ZNF888: variants seen among roughly 807,000 people sequenced by gnomAD.
ZNF888 encodes the protein zinc finger protein 888.
Under a neutral mutation model 7.2 loss-of-function variants are expected in ZNF888, and 5 were observed. That is an observed-to-expected ratio of 0.70 (90% CI 0.36 to 1.46). The LOEUF (loss-of-function observed/expected upper bound fraction) is 1.46. Among genes scored for constraint, ZNF888 ranks in the 40% most tolerant of loss-of-function variants. The pLI, the probability that ZNF888 is intolerant of heterozygous loss-of-function variation, is 0.03. For synonymous variants in ZNF888, 240 were observed against 284.3 expected, an observed-to-expected ratio of 0.84 and a Z score of 1.57; for missense variants, 716 against 858.0, an observed-to-expected ratio of 0.83 and a Z score of 2.07.
chr19:52,908,481 C>CA lies in ZNF888; in HGVS notation c.143-303dup, dbSNP rs778078813. Among the ~76,000 whole-genome samples the CA allele has an allele frequency of 1.6e-4, 25 of 152,018 alleles. No homozygotes were observed. The South Asian group carries it at 2.3e-3, about 14-fold the overall frequency. On this transcript the variant is annotated intron_variant, in intron 4 of 4. Transcript: ENST00000638862. Reference sequence around the variant, plus strand: ...TGACCTTAAAGTGTGTCACAGTTTGCAAAAAATTTATCACTGTAACAACAA... The same window carrying CA: ...TGACCTTAAAGTGTGTCACAGTTTGCAAAAAAATTTATCACTGTAACAACAA...
At chr19:52,922,466 G>C (rs1480687876) in intron 1 of ZNF888, among the ~76,000 whole-genome samples, 1 of 151,998 alleles carries the variant, frequency 6.6e-6, no homozygotes, top group African/African-American at 2.4e-5. Context: ...CTTTCTGTTT[G>C]CTGCCCCTCT....
intron 1 of ZNF888, among the ~76,000 whole-genome samples, chr19:52,922,740 A>C (rs10424724): frequency 0.45 from 68,971 of 151,978 alleles, 18,047 homozygotes; most frequent in African/African-American, 0.73. Flanking sequence ...GAGGGTTTGG[A>C]GTAAGACGCC....
At chr19:52,918,038 G>GA in intron 2 of ZNF888, 107 bp from the exon 3 acceptor site, 1 of 1,475,252 alleles carries the variant, frequency 6.8e-7, no homozygotes, top group Non-Finnish European at 9.0e-7. Context: ...CTCACCCTGG[G>GA]AAATATGGTC....
chr19:52,909,742 C>G (rs922638289), intron 4 of ZNF888, among the ~76,000 whole-genome samples: 1 of 152,024 alleles, frequency 6.6e-6, no homozygotes, highest in African/African-American at 2.4e-5. Context: ...CTAAACAATT[C>G]CCTCTTAAGA....
intron 4 of ZNF888, chr19:52,914,430 C>G: frequency 1.2e-6 from 1 of 854,528 alleles, no homozygotes; most frequent in Non-Finnish European, 1.4e-6. Context: ...AAGAAAGGAC[C>G]ATGAAGTGCT....
At chr19:52,919,961 G>A (rs1167207429) in intron 1 of ZNF888, among the ~76,000 whole-genome samples, 2 of 57,850 alleles carry the variant, frequency 3.5e-5, no homozygotes, top group African/African-American at 6.9e-5. Context: ...CCCTCTGCCC[G>A]GCCAGCCGCC....
rs2064766573 is a variant in ZNF888, at chr19:52,917,615, CCA to C, written c.15+242_15+243del. Among the ~76,000 whole-genome samples the C allele has an allele frequency of 7.2e-5, 11 of 152,246 alleles. No individual in the cohort carries two copies. The South Asian group carries it at 2.3e-3, about 32-fold the overall frequency. On this transcript the variant is annotated intron_variant, in intron 3 of 4. Coordinates refer to ENST00000638862, the MANE Select transcript of ZNF888 (RefSeq NM_001393938.1). ...ACACCATAGGACCCTCACCCCGTCTCCATCCATGTCTGTGTGTGAGCCCTTCC... is the reference window on the plus strand; with the variant it reads ...ACACCATAGGACCCTCACCCCGTCTCTCCATGTCTGTGTGTGAGCCCTTCC...
Position 52,917,923 on chromosome 19 carries a change from A to ACCCAGAGT in ZNF888, c.-58_-51dup. 6.2e-7 allele frequency: 1 copy of ACCCAGAGT among 1,609,390 alleles called. No individual in the cohort carries two copies. Among genetic ancestry groups the ACCCAGAGT allele is most frequent in the Non-Finnish European group, 8.5e-7 (1 of 1,179,926 alleles). On this transcript the variant is annotated 5_prime_UTR_variant, in exon 3 of 5. An upstream open reading frame in the 5' UTR gains an earlier in-frame stop. Transcript: ENST00000638862. ...CCTCTTCTGAGTTTCTTCTTCACATACCCAGAGTCTTTAGAAGTCAATCAT... is the reference window on the plus strand; with the variant it reads ...CCTCTTCTGAGTTTCTTCTTCACATACCCAGAGTCCCAGAGTCTTTAGAAGTCAATCAT...
At chr19:52,922,354 C>G (rs1228745896) in intron 1 of ZNF888, among the ~76,000 whole-genome samples, 2 of 152,032 alleles carry the variant, frequency 1.3e-5, no homozygotes, top group Non-Finnish European at 2.9e-5. Context: ...CCCAGGTGTC[C>G]TCCCTGCTGT....
At chr19:52,911,098 C>CG (rs1206932888) in intron 4 of ZNF888, among the ~76,000 whole-genome samples, 4 of 152,150 alleles carry the variant, frequency 2.6e-5, no homozygotes, top group Non-Finnish European at 1.5e-5. Flanking sequence ...AGGCTTGTCT[C>CG]GAACTCCTGA....
chr19:52,907,676 A>G lies in ZNF888; in HGVS notation c.646T>C (p.Phe216Leu). The change falls in exon 5 of 5, where the codon TTT (phenylalanine) becomes CTT (leucine). Residue 216 changes from phenylalanine (F) to leucine (L), a missense_variant. Physicochemically the swap from Phe to Leu is conservative, Grantham distance 22. This residue lies in a region of ZNF888 where 697 missense variants were observed against 803.4 expected (regional missense o/e 0.87). Coordinates refer to ENST00000638862, the MANE Select transcript of ZNF888 (RefSeq NM_001393938.1). ...DVHRKEKSFQ[F>L]NESGKSFNCS... The stretch of plus-strand genomic sequence containing the variant: ...TTAAAGGATTTGCCACTCTCATTAA[A>G]TTGGAAAGATTTTTCTTTCCTGTGT... The G allele has an allele frequency of 1.2e-6, 2 of 1,606,638 alleles. No individual in the cohort carries two copies. The highest frequency in any genetic ancestry group is 2.2e-5 in the South Asian group (2 of 89,600).
At chr19:52,909,892 T>TG (rs1052504290) in intron 4 of ZNF888, among the ~76,000 whole-genome samples, 49 of 152,126 alleles carry the variant, frequency 3.2e-4, no homozygotes, top group African/African-American at 1.2e-3. Flanking sequence ...CCAGGCATGG[T>TG]GGCTCATGCC....
intron 1 of ZNF888, among the ~76,000 whole-genome samples, chr19:52,922,935 G>C (rs2064839287): frequency 6.6e-6 from 1 of 152,050 alleles, no homozygotes; most frequent in South Asian, 2.1e-4. Flanking sequence ...TGACGCCTTC[G>C]GACAAGGGTG....
Position 52,906,339 on chromosome 19 carries a change from T to A in ZNF888, c.1983A>T (p.Pro661=), listed in dbSNP as rs978513466. 1.9e-6 allele frequency: 3 copies of A among 1,613,698 alleles called. No individual in the cohort carries two copies. Among genetic ancestry groups the A allele is most frequent in the Non-Finnish European group, 2.5e-6 (3 of 1,179,834 alleles). Residue 661 remains proline (P), a synonymous_variant, in exon 5 of 5, where the codon CCA becomes CCT. Transcript: ENST00000638862. ...CCTTGTCACAAACCTTACATTTGTA[T>A]GGTTTCTCTCCAGTGTGAACTCTCT... ...QHQRVHTGEK[P]YKCKVCDKAF... is the part of the protein sequence containing the mutation.
chr19:52,922,919 G>T (rs1189944963), intron 1 of ZNF888, among the ~76,000 whole-genome samples: 2 of 152,098 alleles, frequency 1.3e-5, no homozygotes, highest in African/African-American at 4.8e-5. Context: ...GGAGGTGGGG[G>T]GGAGATGACG....
rs1396253452 is a variant in ZNF888 at position 52,906,170 on chromosome 19, C to G, written c.2152G>C (p.Asp718His). 1 of 1,612,138 alleles carries G rather than the reference C, an allele frequency of 6.2e-7. No individual in the cohort carries two copies. Among genetic ancestry groups the G allele is most frequent in the African/African-American group, 1.3e-5 (1 of 74,854 alleles). The stretch of plus-strand genomic sequence containing the variant: ...ACTTGGTGACAATCATTACATTAGT[C>G]AAGTTTCCCTACACCATGGATTGCC... ...HQAIHGVGKL[D>H] The change falls in exon 5 of 5, where the codon GAC (aspartate) becomes CAC (histidine). Residue 718 changes from aspartate (D) to histidine (H), a missense_variant. Around this residue, in one of 2 missense-constraint regions of ZNF888, gnomAD observed 697 missense variants for 803.4 expected, o/e 0.87. Coordinates refer to ENST00000638862, the MANE Select transcript of ZNF888 (RefSeq NM_001393938.1).
At chr19:52,910,975 G>A (rs2064671130) in intron 4 of ZNF888, among the ~76,000 whole-genome samples, 1 of 151,966 alleles carries the variant, frequency 6.6e-6, no homozygotes. Flanking sequence ...CCACCTCCTG[G>A]GTTCAAGTGA....
At chr19:52,921,145 A>C (rs938805125) in intron 1 of ZNF888, among the ~76,000 whole-genome samples, 3 of 152,178 alleles carry the variant, frequency 2.0e-5, no homozygotes, top group African/African-American at 7.2e-5. Flanking sequence ...GGATAAGAGC[A>C]GGACAATGAC....
chr19:52,904,836 G>T lies in ZNF888; in HGVS notation c.*1329C>A, dbSNP rs547470973. ...AAACAATATAAAACAATATGAGAGG[G>T]TCTCTCTCTTCCCTCAAAACTACTA... On this transcript the variant is annotated 3_prime_UTR_variant, in exon 5 of 5. Transcript: ENST00000638862. 5.3e-4 allele frequency: 80 copies of T among 152,224 alleles called. No individual in the cohort carries two copies. The highest frequency in any genetic ancestry group is 1.8e-3 in the African/African-American group (76 of 41,524). The allele number at this position is 152,224 out of a possible 1,614,324, so 9.4% of individuals were successfully genotyped here. A position where few individuals can be genotyped will look rare whatever the true frequency, so the allele number is the denominator to read the frequency against.
Sources: allele counts gnomAD v4.1 joint callset (sites outside exome capture counted in the v4.1 genomes callset), GRCh38; gene constraint gnomAD v4.1.1; regional missense constraint gnomAD v4.1.1; transcripts MANE v1.5; gene names NCBI Gene and HGNC (gene_info 2026-07-23, HGNC 2026-07-21).